The following SLC16A12 variants were observed in gnomAD, a reference collection of about 807,000 sequenced individuals.
SLC16A12 encodes the protein solute carrier family 16 member 12, also known as monocarboxylate transporter 12.
In SLC16A12, 17 loss-of-function variants were observed where a neutral mutation model predicts 42.4. The ratio of observed to expected loss-of-function variants is 0.40; its 90% confidence interval spans 0.27 to 0.60. The LOEUF (loss-of-function observed/expected upper bound fraction) is 0.60. Ranked by LOEUF, SLC16A12 falls within the 20% of genes least tolerant of loss-of-function variation. The pLI is 0.42. For missense variants in SLC16A12, 544 were observed against 623.0 expected (o/e 0.87, Z 1.35); for synonymous variants, 224 against 229.4 (o/e 0.98, Z 0.21).
chr10:89,477,713 C>G (rs908613037), intron 2 of SLC16A12, among the ~76,000 whole-genome samples: 2 of 151,704 alleles, frequency 1.3e-5, no homozygotes, highest in Admixed American at 1.3e-4. Context: ...AATAAATTTT[C>G]TTATGAATCA....
rs931018056 is a variant in SLC16A12 at position 89,502,204 on chromosome 10, A to G, written c.-47+32297T>C. Among the ~76,000 whole-genome samples, 4 of 152,092 alleles carry G rather than the reference A, an allele frequency of 2.6e-5. No homozygotes were observed. The East Asian group carries it at 7.7e-4, about 29-fold the overall frequency. ...GGTGGCTCACACCTATAATCCCAGC[A>G]CTTTGTGAAGCCAAGGTGGGCAGAT... On this transcript the variant is annotated intron_variant, in intron 2 of 7. Transcript: ENST00000371790.
intron 3 of SLC16A12, among the ~76,000 whole-genome samples, chr10:89,460,939 C>T (rs1842289154): frequency 6.6e-6 from 1 of 152,090 alleles, no homozygotes; most frequent in Non-Finnish European, 1.5e-5. Context: ...CCAACCGTTA[C>T]TGTAGCAAAG....
intron 2 of SLC16A12, among the ~76,000 whole-genome samples, chr10:89,463,573 C>T (rs1842338099): frequency 6.6e-6 from 1 of 152,010 alleles, no homozygotes; most frequent in African/African-American, 2.4e-5. Context: ...TAGGAAAACT[C>T]CCTGAGGTGT....
chr10:89,545,716 A>T (rs1335702295), intron 2 of SLC16A12, among the ~76,000 whole-genome samples: 1 of 152,248 alleles, frequency 6.6e-6, no homozygotes, highest in Non-Finnish European at 1.5e-5. Context: ...AACTATTTTG[A>T]ATTTCATATG....
At chr10:89,518,975 C>A (rs1843303413) in intron 2 of SLC16A12, among the ~76,000 whole-genome samples, 1 of 152,114 alleles carries the variant, frequency 6.6e-6, no homozygotes, top group Admixed American at 6.5e-5. Flanking sequence ...ACTATGATCA[C>A]AACTATGATA....
chr10:89,471,459 ATC>A (rs1310041238), intron 2 of SLC16A12, among the ~76,000 whole-genome samples: 3 of 152,222 alleles, frequency 2.0e-5, no homozygotes, highest in African/African-American at 4.8e-5. Flanking sequence ...TGTTGTGTGT[ATC>A]TACAGTTGAT....
At position 89,436,118 on chromosome 10, in the gene SLC16A12, C is replaced by G. The variant is rs748432746; in HGVS notation, c.1230G>C (p.Ala410=). 1.8e-5 allele frequency: 29 copies of G among 1,613,812 alleles called. No individual in the cohort carries two copies. Among genetic ancestry groups the G allele is most frequent in the Non-Finnish European group, 2.3e-5 (27 of 1,179,978 alleles). ...EIVGTTSLSS[A]LGVVYFLHAV... ...CGTGAAGGAAGTATACCACACCAAG[C>G]GCTGATGACAAAGAGGTGGTCCCCA... is the stretch of plus-strand genomic sequence containing the variant. Residue 410 remains alanine, a synonymous_variant, in exon 7 of 8, where the codon GCG becomes GCC. Transcript: ENST00000371790.
At chr10:89,493,766 T>G (rs1213669474) in intron 2 of SLC16A12, among the ~76,000 whole-genome samples, 1 of 152,178 alleles carries the variant, frequency 6.6e-6, no homozygotes, top group Non-Finnish European at 1.5e-5. Context: ...CATTTTTATC[T>G]CTTTTGCCCA....
chr10:89,468,569 A>T (rs978200297), intron 2 of SLC16A12, among the ~76,000 whole-genome samples: 7 of 152,222 alleles, frequency 4.6e-5, no homozygotes, highest in Non-Finnish European at 8.8e-5. Context: ...AGTGACCACG[A>T]CAAAAGGAAG....
chr10:89,534,410 T>C (rs1843613078), intron 2 of SLC16A12, 91 bp downstream of exon 2: 1 of 151,786 alleles, frequency 6.6e-6, no homozygotes, highest in Non-Finnish European at 1.5e-5. Flanking sequence ...GCCGCGGGAG[T>C]GCCTAGCTCT....
chr10:89,518,197 C>G (rs1315514765), intron 2 of SLC16A12, among the ~76,000 whole-genome samples: 1 of 152,228 alleles, frequency 6.6e-6, no homozygotes, highest in African/African-American at 2.4e-5. Flanking sequence ...GCTCTGTTCT[C>G]TGCTTGGGAA....
intron 2 of SLC16A12, among the ~76,000 whole-genome samples, chr10:89,540,621 A>G (rs539645848): frequency 6.6e-6 from 1 of 152,266 alleles, no homozygotes; most frequent in African/African-American, 2.4e-5. Flanking sequence ...TAGCCAGTGA[A>G]TATTTTCACT....
At chr10:89,510,411 A>G (rs1236879536) in intron 2 of SLC16A12, among the ~76,000 whole-genome samples, 2 of 152,228 alleles carry the variant, frequency 1.3e-5, no homozygotes, top group Non-Finnish European at 2.9e-5. Flanking sequence ...AACGGAACAG[A>G]GGCCTCAGAA....
intron 1 of SLC16A12, among the ~76,000 whole-genome samples, chr10:89,535,107 A>G (rs1286131839): frequency 6.6e-6 from 1 of 152,020 alleles, no homozygotes; most frequent in African/African-American, 2.4e-5. Flanking sequence ...AAAATGTACT[A>G]TAAACATAAA....
rs138706847 is a variant in SLC16A12 at position 89,495,226 on chromosome 10, C to T, written c.-46-32602G>A. On this transcript the variant is annotated intron_variant, in intron 2 of 7. Transcript: ENST00000371790. Reference sequence around the variant, plus strand: ...AAAATTACCTGGTAGTGGTGGTGTGCGCCTGTAGTCCCAGCTGCTTGGGAA... The same window carrying T: ...AAAATTACCTGGTAGTGGTGGTGTGTGCCTGTAGTCCCAGCTGCTTGGGAA... 1.7e-4 allele frequency among the ~76,000 whole-genome samples: 26 copies of T among 152,102 alleles called. 1 individual carries two copies. Among genetic ancestry groups the T allele is most frequent in the African/African-American group, 6.0e-4 (25 of 41,480 alleles).
intron 2 of SLC16A12, among the ~76,000 whole-genome samples, chr10:89,487,109 G>T (rs1842768028): frequency 6.6e-6 from 1 of 152,232 alleles, no homozygotes; most frequent in Non-Finnish European, 1.5e-5. Context: ...GGGCTCTGCG[G>T]ATTCCATACA....
chr10:89,529,210 A>G (rs1168756923), intron 2 of SLC16A12, among the ~76,000 whole-genome samples: 1 of 152,166 alleles, frequency 6.6e-6, no homozygotes, highest in Non-Finnish European at 1.5e-5. Context: ...CTGTTTCAAG[A>G]AATACATCTG....
intron 2 of SLC16A12, among the ~76,000 whole-genome samples, chr10:89,530,998 TA>T (rs1191837450): frequency 1.6e-4 from 24 of 152,368 alleles, no homozygotes; most frequent in South Asian, 1.2e-3. Flanking sequence ...TGTGTTGATA[TA>T]TTTTTTTTAA....
Position 89,443,738 on chromosome 10 carries a change from C to A in SLC16A12, c.304+18G>T, listed in dbSNP as rs1564570164. ...CAAGAGTGGCCAGTAATTCCCTATC[C>A]TAGTAAGTAATACTCACCACAGAGC... is the stretch of plus-strand genomic sequence containing the variant. On this transcript the variant is annotated intron_variant, in intron 4 of 7. Coordinates refer to ENST00000371790, the MANE Select transcript of SLC16A12 (RefSeq NM_213606.4). 6.4e-7 allele frequency: 1 copy of A among 1,554,242 alleles called. No individual in the cohort carries two copies. The highest frequency in any genetic ancestry group is 1.4e-5 in the African/African-American group (1 of 73,790).
Sources: gnomAD v4.1 joint callset for allele counts (sites outside exome capture counted in the v4.1 genomes callset) on GRCh38, gnomAD v4.1.1 for gene constraint, MANE v1.5 for transcripts, NCBI Gene and HGNC (gene_info 2026-07-23, HGNC 2026-07-21) for gene names.